C12orf56: variants seen among roughly 807,000 people sequenced by gnomAD.
The protein encoded by C12orf56 is uncharacterized protein C12orf56.
A neutral mutation model predicts 69.9 loss-of-function variants in C12orf56; 71 were observed. The observed-to-expected ratio is 1.02, with a 90% CI of 0.84 to 1.24. The LOEUF is 1.24. C12orf56 is among the 50% of genes most tolerant of loss of function. The pLI is 0.00. For synonymous variants in C12orf56, 276 were observed against 274.1 expected (o/e 1.01, Z -0.07); for missense variants, 732 against 738.5 (o/e 0.99, Z 0.10).
intron 6 of C12orf56, among the ~76,000 whole-genome samples, chr12:64,292,954 G>C (rs1250013785): frequency 6.9e-6 from 1 of 144,248 alleles, no homozygotes; most frequent in Admixed American, 6.9e-5. Context: ...CCCCAGCCTC[G>C]CTGCCGCCTT....
intron 5 of C12orf56, among the ~76,000 whole-genome samples, chr12:64,306,426 T>C (rs1047802509): frequency 6.6e-6 from 1 of 151,630 alleles, no homozygotes; most frequent in African/African-American, 2.4e-5. Context: ...TTTGTTTTTT[T>C]TTTTTTTTTT....
At chr12:64,300,447 A>G (rs1307446862) in intron 6 of C12orf56, among the ~76,000 whole-genome samples, 2 of 152,172 alleles carry the variant, frequency 1.3e-5, no homozygotes, top group African/African-American at 2.4e-5. Flanking sequence ...ATACACATCA[A>G]CATCCTTCTT....
At chr12:64,383,944 A>T (rs758575875) in intron 1 of C12orf56, among the ~76,000 whole-genome samples, 25 of 152,352 alleles carry the variant, frequency 1.6e-4, no homozygotes, top group Middle Eastern at 6.8e-3. Context: ...TAGGTTCACA[A>T]TGCATGCCTG....
At chr12:64,308,866 AAAAG>A (rs1222493542) in intron 5 of C12orf56, among the ~76,000 whole-genome samples, 9 of 141,774 alleles carry the variant, frequency 6.3e-5, no homozygotes, top group Non-Finnish European at 1.2e-4. Context: ...AGAAAGAAAG[AAAAG>A]AAAGAAAGAA....
chr12:64,312,625 A>G (rs2038634855), intron 5 of C12orf56, 54 bp downstream of exon 5: 4 of 1,335,362 alleles, frequency 3.0e-6, no homozygotes, highest in Non-Finnish European at 3.1e-6. Flanking sequence ...AAGGAGAGGC[A>G]AAGAGGAGAG....
chr12:64,275,261 A>C (rs1024425775), intron 10 of C12orf56, 37 bp downstream of exon 10: 1 of 998,194 alleles, frequency 1.0e-6, no homozygotes, highest in African/African-American at 1.6e-5. Flanking sequence ...TTATAGTTAC[A>C]TAAAATATGT....
intron 3 of C12orf56, among the ~76,000 whole-genome samples, chr12:64,322,916 G>C (rs1012663299): frequency 6.6e-6 from 1 of 152,154 alleles, no homozygotes; most frequent in African/African-American, 2.4e-5. Flanking sequence ...TCTACAAACA[G>C]AGCACACAGA....
intron 2 of C12orf56, among the ~76,000 whole-genome samples, chr12:64,343,434 CT>C (rs1208756530): frequency 6.6e-6 from 1 of 152,180 alleles, no homozygotes; most frequent in African/African-American, 2.4e-5. Context: ...TGCTATACCC[CT>C]GAGGTAGGAC....
At chr12:64,371,412 A>G (rs897975115) in intron 1 of C12orf56, among the ~76,000 whole-genome samples, 1 of 151,734 alleles carries the variant, frequency 6.6e-6, no homozygotes, top group East Asian at 2.0e-4. Flanking sequence ...AAACAAAACC[A>G]AAAACACTGG....
intron 3 of C12orf56, among the ~76,000 whole-genome samples, chr12:64,328,679 C>CAAAAAAAAAAAAAAAA (rs59688148): frequency 3.5e-5 from 2 of 57,920 alleles, no homozygotes; most frequent in Non-Finnish European, 6.3e-5. Flanking sequence ...GACTCCATCT[C>CAAAAAAAAAAAAAAAA]AAAAAAAAAA....
intron 3 of C12orf56, 92 bp downstream of exon 3, chr12:64,330,868 A>G (rs1222429338): frequency 1.9e-6 from 2 of 1,046,108 alleles, no homozygotes; most frequent in East Asian, 5.2e-5. Context: ...GTCCAAAGCC[A>G]TTAGTAGAGA....
Position 64,265,540 on chromosome 12 carries a change from C to T in C12orf56, c.*1643G>A, listed in dbSNP as rs1005901454. On this transcript the variant is annotated 3_prime_UTR_variant, in exon 13 of 13. Transcript: ENST00000543942. The stretch of plus-strand genomic sequence containing the variant: ...AGAACTTGGAGAACATCTAGTCCCA[C>T]CCTTCCACCTAGCAGAGGAAGCCCA... 6.6e-6 allele frequency: 1 copy of T among 152,258 alleles called. No individual in the cohort carries two copies. Among genetic ancestry groups the T allele is most frequent in the African/African-American group, 2.4e-5 (1 of 41,454 alleles). The allele number at this position is 152,258 out of a possible 1,614,324, so 9.4% of individuals were successfully genotyped here. A position where few individuals can be genotyped will look rare whatever the true frequency, so the allele number is the denominator to read the frequency against.
intron 2 of C12orf56, among the ~76,000 whole-genome samples, chr12:64,345,906 T>C (rs2039134752): frequency 6.6e-6 from 1 of 152,210 alleles, no homozygotes. Flanking sequence ...TTGCACTCTC[T>C]AAACAGTTTA....
intron 3 of C12orf56, among the ~76,000 whole-genome samples, chr12:64,326,542 C>T (rs1262264395): frequency 2.0e-5 from 3 of 152,242 alleles, no homozygotes; most frequent in Admixed American, 2.0e-4. Flanking sequence ...CGAGACCAGC[C>T]TGACAAACAT....
intron 1 of C12orf56, among the ~76,000 whole-genome samples, chr12:64,360,890 A>G (rs2039391176): frequency 6.6e-6 from 1 of 152,212 alleles, no homozygotes; most frequent in African/African-American, 2.4e-5. Flanking sequence ...CCATTTATAT[A>G]CATTTGATAA....
intron 12 of C12orf56, among the ~76,000 whole-genome samples, chr12:64,268,904 G>A (rs1371512021): frequency 6.6e-6 from 1 of 152,014 alleles, no homozygotes; most frequent in African/African-American, 2.4e-5. Flanking sequence ...AGGAGGCCGA[G>A]GCAGGTGAAT....
intron 3 of C12orf56, among the ~76,000 whole-genome samples, chr12:64,325,047 G>C (rs1001378760): frequency 2.6e-5 from 4 of 152,152 alleles, no homozygotes; most frequent in African/African-American, 9.7e-5. Flanking sequence ...GCCTGGAGTA[G>C]AGCCTAGGAG....
intron 3 of C12orf56, among the ~76,000 whole-genome samples, chr12:64,329,677 TC>T (rs1273649126): frequency 1.7e-4 from 11 of 62,950 alleles, no homozygotes; most frequent in African/African-American, 6.6e-4. Context: ...CCCTCCCCCC[TC>T]CCCCCACCCC....
chr12:64,270,946 T>C (rs1274819054), intron 11 of C12orf56, among the ~76,000 whole-genome samples: 1 of 152,130 alleles, frequency 6.6e-6, no homozygotes, highest in Non-Finnish European at 1.5e-5. Context: ...GGCAGGTGGA[T>C]CACGAGGTCA....
Sources: allele counts gnomAD v4.1 joint callset (sites outside exome capture counted in the v4.1 genomes callset), GRCh38; gene constraint gnomAD v4.1.1; transcripts MANE v1.5; gene names NCBI Gene and HGNC (gene_info 2026-07-23, HGNC 2026-07-21).